TRDN: variants seen among roughly 807,000 people sequenced by gnomAD.
TRDN encodes the protein triadin in skeletal muscle.
In TRDN, 161 loss-of-function variants were observed where a neutral mutation model predicts 149.7. The ratio of observed to expected loss-of-function variants is 1.08; its 90% CI spans 0.95 to 1.23. TRDN has a LOEUF of 1.23. TRDN is among the 50% of genes most tolerant of loss of function. TRDN has a pLI of 0.00. For synonymous variants in TRDN, 294 were observed against 250.5 expected (o/e 1.17, Z -1.64); for missense variants, 896 against 823.5 (o/e 1.09, Z -1.08).
In TRDN at chr6:123,294,199, A is replaced by G. The variant is rs1291868373; in HGVS notation, c.1511-15117T>C. The stretch of plus-strand genomic sequence containing the variant: ...TATTAACAACCGTGGACAAGTTGAG[A>G]TTAACATTCAAAAGGTCTATGAGAA... On this transcript the variant is annotated intron_variant, in intron 24 of 40. Coordinates refer to ENST00000334268, the MANE Select transcript of TRDN (RefSeq NM_006073.4). Among the ~76,000 whole-genome samples, 8 of 152,290 alleles carry G rather than the reference A, an allele frequency of 5.3e-5. No individual in the cohort carries two copies. In the East Asian group the frequency reaches 9.7e-4, roughly 18 times the overall value.
intron 21 of TRDN, among the ~76,000 whole-genome samples, chr6:123,347,385 CTG>C (rs199966438): frequency 6.6e-6 from 1 of 151,844 alleles, no homozygotes; most frequent in Non-Finnish European, 1.5e-5. Context: ...AGTTTTTTTT[CTG>C]TGTGTATCAA....
chr6:123,621,972 G>A (rs1440985574), intron 1 of TRDN, among the ~76,000 whole-genome samples: 1 of 152,142 alleles, frequency 6.6e-6, no homozygotes, highest in Non-Finnish European at 1.5e-5. Context: ...TATAAAGACA[G>A]TTGACTCTTG....
intron 23 of TRDN, among the ~76,000 whole-genome samples, chr6:123,331,158 A>T (rs565632915): frequency 3.9e-5 from 6 of 152,202 alleles, no homozygotes; most frequent in Non-Finnish European, 7.4e-5. Flanking sequence ...CACAGAATAT[A>T]CTTGGATTAG....
intron 1 of TRDN, among the ~76,000 whole-genome samples, chr6:123,609,651 TGAC>T (rs1784694071): frequency 6.6e-6 from 1 of 152,174 alleles, no homozygotes; most frequent in Admixed American, 6.6e-5. Flanking sequence ...TTCTCCAAAC[TGAC>T]TTGAATTGGT....
In TRDN at chr6:123,415,568, A is replaced by G. The variant is rs138888016; in HGVS notation, c.1052-21891T>C. Among the ~76,000 whole-genome samples the G allele has an allele frequency of 4.5e-4, 69 of 152,362 alleles. 1 individual carries two copies. The highest frequency in any genetic ancestry group is 1.6e-3 in the African/African-American group (68 of 41,582). On this transcript the variant is annotated intron_variant, in intron 12 of 40. Coordinates refer to ENST00000334268, the MANE Select transcript of TRDN (RefSeq NM_006073.4). ...CTTTCTATCCCATATGTAAATTTAT[A>G]TTTATTAGGCAAACACTATATAAAA... is the stretch of plus-strand genomic sequence containing the variant.
At chr6:123,346,999 A>C (rs1187363788) in intron 21 of TRDN, among the ~76,000 whole-genome samples, 1 of 146,846 alleles carries the variant, frequency 6.8e-6, no homozygotes. Flanking sequence ...TAAAAAAAAA[A>C]CATAAGAATA....
chr6:123,557,661 G>A (rs1049323589), intron 2 of TRDN, among the ~76,000 whole-genome samples: 15 of 152,032 alleles, frequency 9.9e-5, no homozygotes, highest in East Asian at 3.9e-4. Flanking sequence ...ATTCACCCAC[G>A]TTTCAGAGGT....
At position 123,512,333 on chromosome 6, in the gene TRDN, C is replaced by CT; in HGVS notation, c.579dup (p.Glu194ArgfsTer16). ...GCCAGTGTCTTTGTTTCTGGTTTTT[C>CT]TTTTTTCTCAATTTTTTCCTTGTGA... On this transcript the variant is annotated frameshift_variant, in exon 7 of 41. Coordinates refer to ENST00000334268, the MANE Select transcript of TRDN (RefSeq NM_006073.4). LOFTEE classifies it high-confidence loss of function. 1 of 1,502,508 alleles carries CT rather than the reference C, an allele frequency of 6.7e-7. No individual in the cohort carries two copies. The highest frequency in any genetic ancestry group is 9.1e-7 in the Non-Finnish European group (1 of 1,094,750). The allele number at this position is 1,502,508 out of a possible 1,614,324, so 93.1% of individuals were successfully genotyped here. A position where few individuals can be genotyped will look rare whatever the true frequency, so the allele number is the denominator to read the frequency against.
intron 9 of TRDN, among the ~76,000 whole-genome samples, chr6:123,494,567 A>T (rs540714030): frequency 6.6e-6 from 1 of 152,354 alleles, no homozygotes; most frequent in South Asian, 2.1e-4. Flanking sequence ...TATGAAGAAA[A>T]TAATGCATGT....
chr6:123,359,070 A>G (rs1479248299), intron 20 of TRDN, among the ~76,000 whole-genome samples: 1 of 152,226 alleles, frequency 6.6e-6, no homozygotes, highest in Non-Finnish European at 1.5e-5. Flanking sequence ...CATTGACTGA[A>G]ACATTGGAAT....
At chr6:123,287,799 A>C (rs1777854207) in intron 24 of TRDN, among the ~76,000 whole-genome samples, 1 of 152,138 alleles carries the variant, frequency 6.6e-6, no homozygotes, top group Non-Finnish European at 1.5e-5. Context: ...AACAAAATCA[A>C]ATAATAGACT....
At chr6:123,592,018 C>G (rs1372754532) in intron 1 of TRDN, among the ~76,000 whole-genome samples, 1 of 152,048 alleles carries the variant, frequency 6.6e-6, no homozygotes, top group African/African-American at 2.4e-5. Context: ...TAAAAAGAAC[C>G]AATTTTCTGA....
chr6:123,361,909 G>A (rs1242523184), intron 20 of TRDN, among the ~76,000 whole-genome samples: 1 of 152,072 alleles, frequency 6.6e-6, no homozygotes, highest in Admixed American at 6.5e-5. Context: ...GGGCACCAAT[G>A]TATACATCTC....
chr6:123,268,905 A>T (rs1777110872), intron 31 of TRDN, among the ~76,000 whole-genome samples: 1 of 152,058 alleles, frequency 6.6e-6, no homozygotes, highest in South Asian at 2.1e-4. Flanking sequence ...TCAAAATACA[A>T]TTCACAGATT....
chr6:123,372,233 T>C (rs1424549779), intron 19 of TRDN, among the ~76,000 whole-genome samples: 4 of 152,130 alleles, frequency 2.6e-5, no homozygotes, highest in African/African-American at 7.2e-5. Context: ...CTAACATACA[T>C]AGCTGAATAA....
At chr6:123,499,702 T>C (rs1203192546) in intron 8 of TRDN, among the ~76,000 whole-genome samples, 5 of 5,644 alleles carry the variant, frequency 8.9e-4, no homozygotes, top group African/African-American at 2.5e-3. Context: ...AGATTCTGGC[T>C]CAAAAAAAAA....
intron 1 of TRDN, among the ~76,000 whole-genome samples, chr6:123,608,694 A>C (rs149621746): frequency 6.6e-6 from 1 of 152,302 alleles, no homozygotes; most frequent in African/African-American, 2.4e-5. Context: ...AAAAGGTATG[A>C]AGAAATGAAG....
intron 22 of TRDN, among the ~76,000 whole-genome samples, chr6:123,334,888 A>G (rs886286164): frequency 1.3e-5 from 2 of 152,032 alleles, no homozygotes; most frequent in Non-Finnish European, 2.9e-5. Context: ...TTTTAAAATG[A>G]ATTTGGATGT....
At chr6:123,623,963 T>C (rs1439842044) in intron 1 of TRDN, among the ~76,000 whole-genome samples, 1 of 152,164 alleles carries the variant, frequency 6.6e-6, no homozygotes, top group Non-Finnish European at 1.5e-5. Flanking sequence ...TTTTTGTATA[T>C]AACTTTATAC....
Sources: gnomAD v4.1 joint callset for allele counts (sites outside exome capture counted in the v4.1 genomes callset) on GRCh38, gnomAD v4.1.1 for gene constraint, MANE v1.5 for transcripts, NCBI Gene and HGNC (gene_info 2026-07-23, HGNC 2026-07-21) for gene names.